Variants in WDR70 observed in about 807,000 individuals in gnomAD.
The protein encoded by WDR70 is WD repeat domain 70.
In WDR70, 53 loss-of-function variants were observed where a neutral mutation model predicts 88.6. That is an observed-to-expected ratio of 0.60 (90% confidence interval 0.48 to 0.75). The LOEUF is 0.75. Among genes scored for constraint, WDR70 ranks in the 30% least tolerant of loss-of-function variants. The pLI, the probability that WDR70 is intolerant of heterozygous loss-of-function variation, is 0.00. For synonymous variants in WDR70, 280 were observed against 270.0 expected (o/e 1.04, Z -0.36); for missense variants, 610 against 823.2 (o/e 0.74, Z 3.17).
At chr5:37,643,255 G>A (rs1745152560) in intron 10 of WDR70, among the ~76,000 whole-genome samples, 1 of 151,988 alleles carries the variant, frequency 6.6e-6, no homozygotes, top group South Asian at 2.1e-4. Flanking sequence ...TTTCCCAAGT[G>A]TATACTCTTG....
chr5:37,604,129 A>C (rs977453040), intron 9 of WDR70, among the ~76,000 whole-genome samples: 5 of 151,422 alleles, frequency 3.3e-5, no homozygotes, highest in Non-Finnish European at 7.4e-5. Flanking sequence ...GTGTAGATTC[A>C]GATTTCCACT....
intron 10 of WDR70, among the ~76,000 whole-genome samples, chr5:37,616,893 CATTGTTCCTTAAACTTACTATCAAATA>C (rs1478236989): frequency 1.3e-5 from 2 of 152,046 alleles, no homozygotes; most frequent in Non-Finnish European, 2.9e-5. Context: ...AATTTTAAAT[CATTGTTCCTTAAACTTACTATCAAATA>C]ATTGTGTTTT....
At chr5:37,487,930 T>G (rs1739940602) in intron 8 of WDR70, among the ~76,000 whole-genome samples, 1 of 152,070 alleles carries the variant, frequency 6.6e-6, no homozygotes, top group Non-Finnish European at 1.5e-5. Flanking sequence ...AGCCCATAGT[T>G]GTTACTCTTT....
chr5:37,445,547 A>G (rs1738438697), intron 7 of WDR70, among the ~76,000 whole-genome samples: 1 of 152,208 alleles, frequency 6.6e-6, no homozygotes, highest in East Asian at 1.9e-4. Flanking sequence ...TCAATAAAAT[A>G]CTGGCAAACC....
chr5:37,675,414 G>A (rs1003370443), intron 10 of WDR70, among the ~76,000 whole-genome samples: 2 of 151,986 alleles, frequency 1.3e-5, no homozygotes, highest in African/African-American at 2.4e-5. Context: ...TTTTGTATAA[G>A]GTGTAAGGAA....
intron 8 of WDR70, among the ~76,000 whole-genome samples, chr5:37,484,662 T>C (rs1231422843): frequency 3.3e-5 from 5 of 152,228 alleles, no homozygotes; most frequent in Non-Finnish European, 5.9e-5. Flanking sequence ...ATATTATATA[T>C]CAGTTAACTA....
chr5:37,405,273 A>G (rs938625706), intron 5 of WDR70, among the ~76,000 whole-genome samples: 9 of 152,214 alleles, frequency 5.9e-5, no homozygotes, highest in African/African-American at 2.2e-4. Context: ...TAAACAATAG[A>G]TATGTGTGGA....
At chr5:37,706,877 C>T (rs1747342793) in intron 13 of WDR70, among the ~76,000 whole-genome samples, 1 of 151,756 alleles carries the variant, frequency 6.6e-6, no homozygotes, top group Admixed American at 6.6e-5. Flanking sequence ...TACAAATTCA[C>T]TTTTGTTTTT....
intron 8 of WDR70, among the ~76,000 whole-genome samples, chr5:37,501,502 TA>T (rs552561345): frequency 3.0e-4 from 45 of 152,140 alleles, no homozygotes; most frequent in Admixed American, 1.8e-3. Flanking sequence ...CTGATGAGCT[TA>T]AAAAAAATTG....
At chr5:37,559,356 ACT>A (rs547367778) in intron 9 of WDR70, among the ~76,000 whole-genome samples, 25 of 150,336 alleles carry the variant, frequency 1.7e-4, no homozygotes, top group East Asian at 4.0e-4. Context: ...CTACTCTTCC[ACT>A]CTCTCTCTTC....
intron 3 of WDR70, among the ~76,000 whole-genome samples, chr5:37,391,102 C>T (rs1748805844): frequency 1.3e-5 from 2 of 152,106 alleles, no homozygotes; most frequent in African/African-American, 4.8e-5. Flanking sequence ...AATATATCAC[C>T]ATCTACATTA....
intron 10 of WDR70, chr5:37,687,985 C>A: frequency 1.5e-6 from 1 of 685,404 alleles, no homozygotes; most frequent in Non-Finnish European, 2.7e-6. Context: ...GATGTGAATC[C>A]ACTGGACTCT....
rs75973970 is a variant in WDR70 at position 37,570,921 on chromosome 5, A to G, written c.918-34143A>G. On this transcript the variant is annotated intron_variant, in intron 9 of 17. Transcript: ENST00000265107. ...ATTTTCTTGCCCTAGTTTGATAGCT[A>G]TAGTAACACATATAAGGTTCTCATA... is the stretch of plus-strand genomic sequence containing the variant. 5.1e-4 allele frequency among the ~76,000 whole-genome samples: 78 copies of G among 152,264 alleles called. 2 individuals carry two copies. In the East Asian group the frequency reaches 0.014, roughly 27 times the overall value.
At position 37,398,797 on chromosome 5, in the gene WDR70, T is replaced by G. The variant is rs185858284; in HGVS notation, c.492+2227T>G. On this transcript the variant is annotated intron_variant, in intron 5 of 17. Coordinates refer to ENST00000265107, the MANE Select transcript of WDR70 (RefSeq NM_018034.4). ...AAGTTCCAGAAATTGCAATGTTGAT[T>G]GTATATTTTTTCTTTTATCAGTTCT... is the stretch of plus-strand genomic sequence containing the variant. 9.6e-4 allele frequency among the ~76,000 whole-genome samples: 147 copies of G among 152,360 alleles called. 2 individuals are homozygous for G. The highest frequency in any genetic ancestry group is 1.8e-3 in the Non-Finnish European group (124 of 68,044).
chr5:37,447,935 A>G (rs1440953809), intron 7 of WDR70, among the ~76,000 whole-genome samples: 1 of 152,116 alleles, frequency 6.6e-6, no homozygotes, highest in Non-Finnish European at 1.5e-5. Context: ...TTAAAGTGTA[A>G]TTAAAAAAGA....
At chr5:37,643,163 A>T (rs1335717725) in intron 10 of WDR70, among the ~76,000 whole-genome samples, 4 of 152,092 alleles carry the variant, frequency 2.6e-5, no homozygotes, top group African/African-American at 7.2e-5. Flanking sequence ...GTTGTTGTAT[A>T]TGCGGAGAGA....
At chr5:37,481,369 T>C (rs1207737290) in intron 8 of WDR70, among the ~76,000 whole-genome samples, 2 of 152,218 alleles carry the variant, frequency 1.3e-5, no homozygotes, top group African/African-American at 4.8e-5. Context: ...GCCTGGATTT[T>C]CAGGCATTTT....
At chr5:37,468,395 A>G (rs1257303363) in intron 7 of WDR70, among the ~76,000 whole-genome samples, 2 of 152,198 alleles carry the variant, frequency 1.3e-5, no homozygotes, top group Admixed American at 6.5e-5. Context: ...ATTTCAGATT[A>G]TATATATTCC....
At chr5:37,398,226 C>A (rs1749086343) in intron 5 of WDR70, among the ~76,000 whole-genome samples, 1 of 151,440 alleles carries the variant, frequency 6.6e-6, no homozygotes, top group Non-Finnish European at 1.5e-5. Flanking sequence ...GTAGCTGAGA[C>A]TACAGGCACC....
Sources: gnomAD v4.1 joint callset for allele counts (sites outside exome capture counted in the v4.1 genomes callset) on GRCh38, gnomAD v4.1.1 for gene constraint, MANE v1.5 for transcripts, NCBI Gene and HGNC (gene_info 2026-07-23, HGNC 2026-07-21) for gene names.